The following MOB3B variants were observed in gnomAD, a reference collection of about 807,000 sequenced individuals.
MOB3B encodes MOB kinase activator 3B.
Under a neutral mutation model 18.7 loss-of-function variants are expected in MOB3B, and 7 were observed. The ratio of observed to expected loss-of-function variants is 0.37; its 90% CI spans 0.21 to 0.70. The LOEUF is 0.70. Ranked by LOEUF, MOB3B falls within the 30% of genes least tolerant of loss-of-function variation. The pLI, the probability that MOB3B is intolerant of heterozygous loss-of-function variation, is 0.52. For missense variants in MOB3B, 253 were observed against 281.3 expected (o/e 0.90, Z 0.72); for synonymous variants, 111 against 99.9 (o/e 1.11, Z -0.66).
Position 27,475,980 on chromosome 9 carries a change from C to T in MOB3B, c.-198-20232G>A, listed in dbSNP as rs920391451. ...ATATAAGTGAAATCAGGCCACTGCC[C>T]TCTTCAAGCCCTACAATGGCTTCCC... On this transcript the variant is annotated intron_variant, in intron 1 of 3. Coordinates refer to ENST00000262244, the MANE Select transcript of MOB3B (RefSeq NM_024761.5). Among the ~76,000 whole-genome samples, 10 of 152,328 alleles carry T rather than the reference C, an allele frequency of 6.6e-5. No individual in the cohort carries two copies. The East Asian group carries it at 1.5e-3, about 24-fold the overall frequency.
At chr9:27,370,097 C>CA (rs1821394653) in intron 2 of MOB3B, among the ~76,000 whole-genome samples, 1 of 152,026 alleles carries the variant, frequency 6.6e-6, no homozygotes, top group Non-Finnish European at 1.5e-5. Flanking sequence ...TTATGCCCCC[C>CA]TCAAATGCAC....
At chr9:27,370,612 T>A (rs1026930845) in intron 2 of MOB3B, among the ~76,000 whole-genome samples, 1 of 152,058 alleles carries the variant, frequency 6.6e-6, no homozygotes. Context: ...CACCAGACAC[T>A]GAACCCACCA....
intron 3 of MOB3B, among the ~76,000 whole-genome samples, chr9:27,336,665 T>G (rs10118453): frequency 2.6e-5 from 4 of 151,904 alleles, no homozygotes; most frequent in Non-Finnish European, 4.4e-5. Context: ...GTTGTGTACT[T>G]CTCACTAACC....
intron 2 of MOB3B, among the ~76,000 whole-genome samples, chr9:27,408,288 A>G (rs1307361916): frequency 6.6e-6 from 1 of 152,164 alleles, no homozygotes; most frequent in African/African-American, 2.4e-5. Context: ...TGAAGCAGGG[A>G]AATTGGGAGT....
intron 2 of MOB3B, among the ~76,000 whole-genome samples, chr9:27,422,772 G>GA (rs1196540334): frequency 6.6e-6 from 1 of 152,124 alleles, no homozygotes; most frequent in East Asian, 1.9e-4. Context: ...TCCAGTTACA[G>GA]AAAAAATTTA....
Position 27,529,669 on chromosome 9 carries a change from A to C in MOB3B, c.-313T>G, listed in dbSNP as rs1201958721. ...CAGGTGGGGCGTCGCTTGCCAATCC[A>C]CGCAAGGGACTCTGCCGCCGGTGCG... On this transcript the variant is annotated 5_prime_UTR_variant, in exon 1 of 4. Transcript: ENST00000262244. The C allele has an allele frequency of 2.0e-6, 2 of 985,190 alleles. No individual in the cohort carries two copies. Among genetic ancestry groups the C allele is most frequent in the Non-Finnish European group, 2.4e-6 (2 of 829,864 alleles). The allele number at this position is 985,190 out of a possible 1,614,324, so 61.0% of individuals were successfully genotyped here. A position where few individuals can be genotyped will look rare whatever the true frequency, so the allele number is the denominator to read the frequency against.
Position 27,405,439 on chromosome 9 carries a change from TA to T in MOB3B, c.419-46204del, listed in dbSNP as rs1821953073. 2.6e-5 allele frequency among the ~76,000 whole-genome samples: 4 copies of T among 152,204 alleles called. No homozygotes were observed. The South Asian group carries it at 8.3e-4, about 32-fold the overall frequency. On this transcript the variant is annotated intron_variant, in intron 2 of 3. Coordinates refer to ENST00000262244, the MANE Select transcript of MOB3B (RefSeq NM_024761.5). ...TTTTAAATGGGATTATTTAGGTTTT[TA>T]AAATTGAGTTGTTTGAGCTCCTTAT...
intron 1 of MOB3B, among the ~76,000 whole-genome samples, chr9:27,461,376 A>G (rs1819284988): frequency 6.6e-6 from 1 of 152,226 alleles, no homozygotes; most frequent in South Asian, 2.1e-4. Flanking sequence ...TGCCCACAGG[A>G]CAACCCCAGA....
intron 3 of MOB3B, among the ~76,000 whole-genome samples, chr9:27,350,054 T>G (rs1821083402): frequency 6.6e-6 from 1 of 152,226 alleles, no homozygotes; most frequent in African/African-American, 2.4e-5. Flanking sequence ...ACTAGACATG[T>G]GGCTTTTGAG....
chr9:27,348,657 T>TAAAAA (rs556877171), intron 3 of MOB3B, among the ~76,000 whole-genome samples: 1 of 129,576 alleles, frequency 7.7e-6, no homozygotes, highest in Non-Finnish European at 1.7e-5. Flanking sequence ...CATCTCAAAA[T>TAAAAA]AAAAAAAAAA....
At chr9:27,487,153 A>AAATAAATAAATAAATAAAATAAAT (rs1241652908) in intron 1 of MOB3B, among the ~76,000 whole-genome samples, 2 of 22,846 alleles carry the variant, frequency 8.8e-5, no homozygotes, top group African/African-American at 1.3e-4. Context: ...ATAAATAAAT[A>AAATAAATAAATAAATAAAATAAAT]AAATAAATAA....
intron 1 of MOB3B, among the ~76,000 whole-genome samples, chr9:27,474,020 C>A (rs979723128): frequency 6.6e-6 from 1 of 152,148 alleles, no homozygotes; most frequent in Non-Finnish European, 1.5e-5. Context: ...CATGCTGGTA[C>A]CCTGATATTG....
At chr9:27,525,304 G>A (rs1357787563) in intron 1 of MOB3B, among the ~76,000 whole-genome samples, 1 of 152,090 alleles carries the variant, frequency 6.6e-6, no homozygotes, top group African/African-American at 2.4e-5. Flanking sequence ...TAGAGGATAG[G>A]GAGCAGAGAA....
intron 1 of MOB3B, among the ~76,000 whole-genome samples, chr9:27,464,400 T>C (rs950128747): frequency 1.3e-5 from 2 of 152,224 alleles, no homozygotes. Flanking sequence ...CTTACCCTAA[T>C]ATTTTGAGGG....
intron 3 of MOB3B, among the ~76,000 whole-genome samples, chr9:27,331,887 C>T (rs1362522369): frequency 6.6e-6 from 1 of 152,212 alleles, no homozygotes; most frequent in African/African-American, 2.4e-5. Context: ...ATTCGAAAAC[C>T]ATACAGATGT....
intron 1 of MOB3B, among the ~76,000 whole-genome samples, chr9:27,496,598 G>T (rs1819904059): frequency 6.6e-6 from 1 of 152,082 alleles, no homozygotes; most frequent in Non-Finnish European, 1.5e-5. Flanking sequence ...AGAATAATAG[G>T]ACTCCAATAA....
chr9:27,455,791 G>T, intron 1 of MOB3B, 43 bp from the exon 2 acceptor site: 1 of 1,389,132 alleles, frequency 7.2e-7, no homozygotes. Context: ...TGCCCAGTTC[G>T]CCTTTAAAAA....
chr9:27,419,060 CAAAA>C (rs567613310), intron 2 of MOB3B, among the ~76,000 whole-genome samples: 1 of 123,852 alleles, frequency 8.1e-6, no homozygotes, highest in Non-Finnish European at 1.7e-5. Context: ...ACGATAGCTG[CAAAA>C]AAAAAAAAAA....
intron 1 of MOB3B, among the ~76,000 whole-genome samples, chr9:27,521,292 G>A (rs1820321133): frequency 1.3e-5 from 2 of 152,212 alleles, no homozygotes; most frequent in South Asian, 4.1e-4. Flanking sequence ...AATTTGGGGT[G>A]AGAGGGCTAA....
Sources: allele counts gnomAD v4.1 joint callset (sites outside exome capture counted in the v4.1 genomes callset), GRCh38; gene constraint gnomAD v4.1.1; transcripts MANE v1.5; gene names NCBI Gene and HGNC (gene_info 2026-07-23, HGNC 2026-07-21).